Variants in RPTOR observed in about 807,000 individuals in gnomAD.
RPTOR encodes the protein regulatory-associated protein of mTOR.
A neutral mutation model predicts 169.9 loss-of-function variants in RPTOR; 21 were observed. The ratio of observed to expected loss-of-function variants is 0.12; its 90% CI spans 0.09 to 0.18. The LOEUF is 0.18. Ranked by LOEUF, RPTOR falls within the 10% of genes least tolerant of loss-of-function variation. RPTOR has a pLI of 1.00. For missense variants in RPTOR, 1,133 were observed against 1,855.9 expected (o/e 0.61, Z 7.16); for synonymous variants, 732 against 753.2 (o/e 0.97, Z 0.46).
intron 3 of RPTOR, among the ~76,000 whole-genome samples, chr17:80,661,294 A>AG (rs774487666): frequency 6.6e-6 from 1 of 152,218 alleles, no homozygotes; most frequent in Non-Finnish European, 1.5e-5. Context: ...TCCAAGTCTC[A>AG]GCACAAGGCG....
intron 1 of RPTOR, among the ~76,000 whole-genome samples, chr17:80,620,932 C>G (rs1466082989): frequency 6.6e-6 from 1 of 152,176 alleles, no homozygotes; most frequent in African/African-American, 2.4e-5. Flanking sequence ...ACACGTTGTT[C>G]TAGTTCATGT....
intron 7 of RPTOR, chr17:80,801,621 A>G (rs192788293): frequency 5.4e-4 from 82 of 152,364 alleles, no homozygotes; most frequent in African/African-American, 1.8e-3. Flanking sequence ...AAGGAAAACT[A>G]TCAAAAGATC....
intron 13 of RPTOR, among the ~76,000 whole-genome samples, chr17:80,862,178 G>A (rs1407079499): frequency 3.3e-5 from 5 of 152,120 alleles, no homozygotes; most frequent in Non-Finnish European, 7.4e-5. Flanking sequence ...TGCCTGCAGT[G>A]TTCTTGTAAC....
intron 4 of RPTOR, among the ~76,000 whole-genome samples, chr17:80,717,603 G>T (rs1202273061): frequency 1.3e-5 from 2 of 152,160 alleles, no homozygotes; most frequent in Non-Finnish European, 2.9e-5. Flanking sequence ...TCCTGTTGCC[G>T]AGTCTTTCAG....
chr17:80,909,277 C>T (rs2068583669), intron 21 of RPTOR, among the ~76,000 whole-genome samples: 1 of 151,900 alleles, frequency 6.6e-6, no homozygotes, highest in Non-Finnish European at 1.5e-5. Context: ...GATGGGGTCT[C>T]CCTGTGTTGC....
chr17:80,584,207 T>C (rs1357865203), intron 1 of RPTOR, among the ~76,000 whole-genome samples: 2 of 152,176 alleles, frequency 1.3e-5, no homozygotes, highest in East Asian at 1.9e-4. Context: ...CTGACTTGAA[T>C]TGCACTTTGA....
chr17:80,783,864 G>A (rs561540233), intron 6 of RPTOR, among the ~76,000 whole-genome samples: 10 of 152,348 alleles, frequency 6.6e-5, no homozygotes, highest in African/African-American at 1.2e-4. Context: ...CCTGCTTACC[G>A]GCCTAGAAGC....
At chr17:80,832,704 C>T (rs943072945) in intron 9 of RPTOR, among the ~76,000 whole-genome samples, 2 of 152,170 alleles carry the variant, frequency 1.3e-5, no homozygotes, top group Admixed American at 6.5e-5. Context: ...GGGGGCTCTG[C>T]AGGGCTGTCT....
rs558675134 is a variant in RPTOR, at chr17:80,659,377, G to T, written c.348+15567G>T. Reference sequence around the variant, plus strand: ...AACAGGCTCTCGCTCTGTCACCCAGGCTGGGGTGCAGTGGTGCAATCACGG... The same window carrying T: ...AACAGGCTCTCGCTCTGTCACCCAGTCTGGGGTGCAGTGGTGCAATCACGG... On this transcript the variant is annotated intron_variant, in intron 3 of 33. Transcript: ENST00000306801. This position sits in a 1 kb window ranked among gnomAD's most constrained non-coding sequence, Gnocchi z 4.3. 1.3e-5 allele frequency among the ~76,000 whole-genome samples: 2 copies of T among 152,178 alleles called. No individual in the cohort carries two copies. The highest frequency in any genetic ancestry group is 2.9e-5 in the Non-Finnish European group (2 of 68,036).
At chr17:80,935,365 T>G (rs2068943008) in intron 24 of RPTOR, among the ~76,000 whole-genome samples, 1 of 152,056 alleles carries the variant, frequency 6.6e-6, no homozygotes, top group South Asian at 2.1e-4. Context: ...TATTCTAAAA[T>G]TTATGGGGAA....
chr17:80,847,673 G>A (rs1479193673), intron 11 of RPTOR, among the ~76,000 whole-genome samples: 1 of 152,192 alleles, frequency 6.6e-6, no homozygotes, highest in African/African-American at 2.4e-5. Flanking sequence ...CCCACCTCCG[G>A]GTGTGGTGCT....
intron 24 of RPTOR, among the ~76,000 whole-genome samples, chr17:80,939,051 A>G (rs2068990314): frequency 6.6e-6 from 1 of 152,230 alleles, no homozygotes; most frequent in Non-Finnish European, 1.5e-5. Flanking sequence ...TAACTAATGC[A>G]GGCTCTCTTT....
At chr17:80,762,321 A>C (rs1175843737) in intron 6 of RPTOR, among the ~76,000 whole-genome samples, 1 of 152,148 alleles carries the variant, frequency 6.6e-6, no homozygotes, top group Non-Finnish European at 1.5e-5. Context: ...TCAGCAGCAC[A>C]GCCGGAGACT....
rs375708825 is a variant in RPTOR, at chr17:80,960,174, G to A, written c.3574G>A (p.Val1192Ile). The A allele has an allele frequency of 8.1e-6, 13 of 1,613,392 alleles. No homozygotes were observed. Among genetic ancestry groups the A allele is most frequent in the South Asian group, 3.3e-5 (3 of 91,090 alleles). ...VAGLGDGSIR[V>I]YDRRMALSEC... ...TGGCCTCGGTGACGGCTCCATCCGC[G>A]TCTACGACAGAAGGATGGCACTCAG... The change falls in exon 30 of 34, where the codon GTC becomes ATC. Residue 1192 changes from valine (V) to isoleucine (I), a missense_variant. Around this residue, in one of 9 missense-constraint regions of RPTOR, gnomAD observed 410 missense variants for 623.7 expected, o/e 0.66. Transcript: ENST00000306801. The surrounding 1 kb of genome is among the most constrained non-coding windows in gnomAD (Gnocchi z 4.8).
intron 33 of RPTOR, among the ~76,000 whole-genome samples, chr17:80,963,407 G>C (rs145883925): frequency 7.0e-6 from 1 of 142,922 alleles, no homozygotes; most frequent in African/African-American, 2.6e-5. Flanking sequence ...TCCCCTGTGC[G>C]GCCCTCACCC....
chr17:80,918,545 C>CTCGCGGGGG lies in RPTOR; in HGVS notation c.2521-4177_2521-4176insGCGGGGGTC, dbSNP rs1408664893. 9.6e-5 allele frequency among the ~76,000 whole-genome samples: 7 copies of CTCGCGGGGG among 72,872 alleles called. 1 individual carries two copies. The highest frequency in any genetic ancestry group is 3.4e-4 in the African/African-American group (7 of 20,724). 47.8% of individuals were successfully genotyped at this position (72,872 alleles called of 152,430 possible). ...CGCGGGGGTCATAGCCATGAGCACC[C>CTCGCGGGGG]TCACGGGGGTCATAGCCATGAGGCA... On this transcript the variant is annotated intron_variant, in intron 21 of 33. Coordinates refer to ENST00000306801, the MANE Select transcript of RPTOR (RefSeq NM_020761.3).
intron 3 of RPTOR, among the ~76,000 whole-genome samples, chr17:80,658,380 T>A (rs918658814): frequency 1.3e-5 from 2 of 152,216 alleles, no homozygotes; most frequent in African/African-American, 4.8e-5. Context: ...GTGTGTAGAA[T>A]TCTATGTCAA....
intron 1 of RPTOR, among the ~76,000 whole-genome samples, chr17:80,573,603 T>G (rs894722961): frequency 6.6e-6 from 1 of 152,206 alleles, no homozygotes; most frequent in African/African-American, 2.4e-5. Context: ...ATTTTTTATA[T>G]TGCTTTATAT....
At chr17:80,757,061 G>C (rs1274412871) in intron 6 of RPTOR, among the ~76,000 whole-genome samples, 1 of 152,154 alleles carries the variant, frequency 6.6e-6, no homozygotes, top group Non-Finnish European at 1.5e-5. Context: ...GACTACAGTG[G>C]GGGCTCACAG....
Sources: gnomAD v4.1 joint callset for allele counts (sites outside exome capture counted in the v4.1 genomes callset) on GRCh38, gnomAD v4.1.1 for gene constraint, gnomAD v4.1.1 regional missense constraint, Gnocchi (gnomAD v3.1) non-coding constraint, MANE v1.5 for transcripts, NCBI Gene and HGNC (gene_info 2026-07-23, HGNC 2026-07-21) for gene names.